The following NRCAM variants were observed in gnomAD, a reference collection of about 807,000 sequenced individuals.
The protein encoded by NRCAM is neuronal cell adhesion molecule.
NRCAM carries 83 observed loss-of-function variants against 156.5 expected under a neutral mutation model. The observed-to-expected ratio is 0.53, with a 90% CI of 0.44 to 0.64. NRCAM has a LOEUF of 0.64. NRCAM is among the 30% of genes least tolerant of loss of function. The probability of loss-of-function intolerance (pLI) is 0.00; values close to 1 mark genes in which losing one functional copy is unlikely to be tolerated. For synonymous variants in NRCAM, 538 were observed against 563.9 expected (o/e 0.95, Z 0.65); for missense variants, 1,417 against 1,597.3 (o/e 0.89, Z 1.92).
At chr7:108,419,248 C>T (rs369805076) in intron 1 of NRCAM, among the ~76,000 whole-genome samples, 12 of 152,134 alleles carry the variant, frequency 7.9e-5, no homozygotes, top group East Asian at 1.9e-4. Context: ...GTACTGCAGA[C>T]GTTTTATTTT....
intron 1 of NRCAM, among the ~76,000 whole-genome samples, chr7:108,426,963 T>C (rs1818075162): frequency 6.6e-6 from 1 of 152,220 alleles, no homozygotes; most frequent in African/African-American, 2.4e-5. Flanking sequence ...GTACCAACTT[T>C]TGACTAAGGA....
intron 2 of NRCAM, among the ~76,000 whole-genome samples, chr7:108,325,042 T>G (rs2099052830): frequency 6.6e-6 from 1 of 152,134 alleles, no homozygotes; most frequent in Admixed American, 6.6e-5. Flanking sequence ...TCAAGCATTA[T>G]TCCTCGTTCT....
chr7:108,192,693 T>A (rs984237534), intron 17 of NRCAM, among the ~76,000 whole-genome samples: 1 of 152,180 alleles, frequency 6.6e-6, no homozygotes, highest in Non-Finnish European at 1.5e-5. Context: ...TTCAGTTCAA[T>A]TTCTATCAAA....
intron 3 of NRCAM, among the ~76,000 whole-genome samples, chr7:108,286,250 G>A (rs760352670): frequency 7.9e-5 from 12 of 152,216 alleles, no homozygotes; most frequent in Admixed American, 2.0e-4. Flanking sequence ...GGACAGGTGT[G>A]GCCAGCAGCA....
At chr7:108,193,363 C>T (rs146620246) in intron 17 of NRCAM, among the ~76,000 whole-genome samples, 108 of 152,314 alleles carry the variant, frequency 7.1e-4, no homozygotes, top group African/African-American at 2.5e-3. Context: ...CAAATGATTT[C>T]GACCAGAATA....
At chr7:108,398,388 G>A (rs553378729) in intron 2 of NRCAM, among the ~76,000 whole-genome samples, 24 of 151,790 alleles carry the variant, frequency 1.6e-4, no homozygotes, top group South Asian at 6.3e-4. Context: ...AATTCTCCTC[G>A]CTCTCCCCCA....
At chr7:108,174,755 G>A (rs2059840518) in intron 28 of NRCAM, among the ~76,000 whole-genome samples, 2 of 152,232 alleles carry the variant, frequency 1.3e-5, no homozygotes, top group African/African-American at 2.4e-5. Flanking sequence ...TTTGAGAAGA[G>A]CATATGGGTC....
At chr7:108,155,101 TAC>T (rs58111040) in intron 32 of NRCAM, among the ~76,000 whole-genome samples, 13,028 of 122,300 alleles carry the variant, frequency 0.11, 799 homozygotes, top group South Asian at 0.18. Flanking sequence ...TATATATATA[TAC>T]ACACACACAC....
chr7:108,155,382 G>GTATCCAGTATACAAGTATTGATACAA (rs2044697685), intron 32 of NRCAM, among the ~76,000 whole-genome samples: 3 of 151,732 alleles, frequency 2.0e-5, no homozygotes, highest in Non-Finnish European at 4.4e-5. Context: ...CACCTACAAA[G>GTATCCAGTATACAAGTATTGATACAA]TATCCAGTAT....
intron 3 of NRCAM, among the ~76,000 whole-genome samples, chr7:108,295,819 T>C (rs1379981559): frequency 1.3e-5 from 2 of 152,158 alleles, no homozygotes; most frequent in Non-Finnish European, 2.9e-5. Flanking sequence ...CCAAAGTACC[T>C]CTGTGGTCAG....
At chr7:108,338,778 G>A (rs1384177754) in intron 2 of NRCAM, among the ~76,000 whole-genome samples, 4 of 152,104 alleles carry the variant, frequency 2.6e-5, no homozygotes, top group Non-Finnish European at 5.9e-5. Flanking sequence ...ATAATTGAAG[G>A]TCTTCTCCAT....
Position 108,194,287 on chromosome 7 carries a change from C to G in NRCAM, c.1605G>C (p.Lys535Asn), listed in dbSNP as rs1563368639. The G allele has an allele frequency of 1.2e-5, 20 of 1,612,310 alleles. No individual in the cohort carries two copies. The highest frequency in any genetic ancestry group is 1.7e-5 in the Non-Finnish European group (20 of 1,178,564). The change falls in exon 16 of 33, where the codon AAG (lysine) becomes AAC (asparagine). Residue 535 changes from lysine (K) to asparagine (N), a missense_variant. Physicochemically the swap from Lys to Asn is moderately conservative, Grantham distance 94 (BLOSUM62 0). Around this residue, in one of 2 missense-constraint regions of NRCAM, gnomAD observed 1,238 missense variants for 1,336.4 expected, o/e 0.93. Coordinates refer to ENST00000379028, the MANE Select transcript of NRCAM (RefSeq NM_001037132.4). The part of the protein sequence containing the change: ...CVARNKLGMA[K>N]NEVHLEIKDP... ...CTTTGATTTCTAAGTGAACTTCATT[C>G]TTCGCCATCCCTAATTTATTCCTTG...
intron 14 of NRCAM, 110 bp downstream of exon 14, chr7:108,197,846 G>C: frequency 1.4e-6 from 1 of 725,926 alleles, no homozygotes; most frequent in African/African-American, 1.8e-5. Context: ...ATAGCTCCAA[G>C]TACTGTGCAT....
intron 20 of NRCAM, among the ~76,000 whole-genome samples, chr7:108,185,651 C>G (rs2066230457): frequency 6.7e-6 from 1 of 148,342 alleles, no homozygotes; most frequent in Non-Finnish European, 1.5e-5. Flanking sequence ...CCCAGAAAGT[C>G]AAGGCTGCAG....
chr7:108,309,763 A>T (rs1000775394), intron 3 of NRCAM, among the ~76,000 whole-genome samples: 4 of 152,176 alleles, frequency 2.6e-5, no homozygotes, highest in Admixed American at 2.0e-4. Flanking sequence ...AGGCTGAGGG[A>T]TGAGAATCAC....
chr7:108,288,752 G>A (rs1392325800), intron 3 of NRCAM, among the ~76,000 whole-genome samples: 1 of 152,026 alleles, frequency 6.6e-6, no homozygotes, highest in Non-Finnish European at 1.5e-5. Context: ...AGTAACAGTA[G>A]GGAAAGTGTT....
intron 20 of NRCAM, among the ~76,000 whole-genome samples, chr7:108,185,876 C>T (rs1051053159): frequency 6.6e-6 from 1 of 151,918 alleles, no homozygotes; most frequent in Admixed American, 6.6e-5. Flanking sequence ...AAATGTAAAA[C>T]GAAATTACTA....
intron 3 of NRCAM, among the ~76,000 whole-genome samples, chr7:108,256,705 T>G (rs1021688455): frequency 6.6e-6 from 1 of 152,110 alleles, no homozygotes; most frequent in Non-Finnish European, 1.5e-5. Flanking sequence ...TGATTCTACT[T>G]ATATGAAATC....
intron 2 of NRCAM, among the ~76,000 whole-genome samples, chr7:108,314,610 A>G (rs968734523): frequency 6.6e-6 from 1 of 152,216 alleles, no homozygotes; most frequent in Non-Finnish European, 1.5e-5. Context: ...AGCATATAAC[A>G]CTAAAAATTC....
Sources: allele counts gnomAD v4.1 joint callset (sites outside exome capture counted in the v4.1 genomes callset), GRCh38; gene constraint gnomAD v4.1.1; regional missense constraint gnomAD v4.1.1; transcripts MANE v1.5; gene names NCBI Gene and HGNC (gene_info 2026-07-23, HGNC 2026-07-21).